Variants in ARVCF observed in about 807,000 individuals in gnomAD.
The protein encoded by ARVCF is ARVCF delta catenin family member, also known as splicing regulator ARVCF.
ARVCF carries 66 observed loss-of-function variants against 90.9 expected under a neutral mutation model. The ratio of observed to expected loss-of-function variants is 0.73; its 90% confidence interval spans 0.60 to 0.89. The LOEUF (loss-of-function observed/expected upper bound fraction) is 0.89. ARVCF is among the 40% of genes least tolerant of loss of function. The probability of loss-of-function intolerance (pLI) is 0.00; values close to 1 mark genes in which losing one functional copy is unlikely to be tolerated. For synonymous variants in ARVCF, 653 were observed against 603.4 expected (o/e 1.08, Z -1.21); for missense variants, 1,469 against 1,382.3 (o/e 1.06, Z -1.00).
chr22:19,979,226 C>CG, intron 6 of ARVCF, 146 bp from the exon 7 acceptor site: 1 of 872,532 alleles, frequency 1.1e-6, no homozygotes, highest in Admixed American at 2.8e-5. Flanking sequence ...TGAGTGGTTC[C>CG]GGGGGACACC....
chr22:20,006,565 C>A (rs375426955), intron 2 of ARVCF, among the ~76,000 whole-genome samples: 6 of 106,656 alleles, frequency 5.6e-5, no homozygotes, highest in Non-Finnish European at 1.3e-4. Context: ...GGCGGTAGAG[C>A]GTGACTCTGT....
rs1943989183 is a variant in ARVCF, at chr22:19,990,595, A to G, written c.200T>C (p.Leu67Pro). 6.2e-7 allele frequency: 1 copy of G among 1,607,240 alleles called. No homozygotes were observed. The highest frequency in any genetic ancestry group is 8.5e-7 in the Non-Finnish European group (1 of 1,176,430). Residue 67 changes from leucine to proline, a missense_variant, in exon 3 of 20, where the codon CTG becomes CCG. Leu to Pro is a moderately conservative substitution (Grantham distance 98). Coordinates refer to ENST00000263207, the MANE Select transcript of ARVCF (RefSeq NM_001670.3). ...GQPLPMAWQQLVLQEQSPGSQ... is the reference protein window; with the variant it reads ...GQPLPMAWQQPVLQEQSPGSQ... ...TCACTAGGCTGTTACCTGGAGGACC[A>G]GCTGTTGCCAGGCCATTGGCAGGGG...
rs1002639278 is a variant in ARVCF at position 19,972,588 on chromosome 22, G to T, written c.2641+149C>A. The T allele has an allele frequency of 9.7e-6, 11 of 1,128,334 alleles. No homozygotes were observed. The East Asian group carries it at 2.6e-4, about 26-fold the overall frequency. The allele number at this position is 1,128,334 out of a possible 1,614,324, so 69.9% of individuals were successfully genotyped here. A position where few individuals can be genotyped will look rare whatever the true frequency, so the allele number is the denominator to read the frequency against. On this transcript the variant is annotated intron_variant, in intron 16 of 19. Coordinates refer to ENST00000263207, the MANE Select transcript of ARVCF (RefSeq NM_001670.3). ...CAACAGCGCGGATGCTGTGGGAAGG[G>T]AGTAGCCAAGAGGCAGAGGGCAGGG...
chr22:19,977,309 A>G, intron 9 of ARVCF, 106 bp downstream of exon 9: 1 of 1,379,904 alleles, frequency 7.2e-7, no homozygotes, highest in Non-Finnish European at 9.6e-7. Context: ...GGGGCTGACC[A>G]GGTGTCCTCT....
chr22:19,990,520 C>T, intron 3 of ARVCF, 65 bp downstream of exon 3: 2 of 1,516,238 alleles, frequency 1.3e-6, no homozygotes, highest in Non-Finnish European at 1.8e-6. Flanking sequence ...TTGTGGTCCA[C>T]CAGGACCCAC....
rs1942890383 is a variant in ARVCF, at chr22:19,972,755, G to A, written c.2623C>T (p.Leu875=). Residue 875 remains leucine (L), a synonymous_variant, in exon 16 of 20, where the codon CTG becomes TTG. Coordinates refer to ENST00000263207, the MANE Select transcript of ARVCF (RefSeq NM_001670.3). ...PGGFDDSTLP[L]VDKSLEGEKT... is the part of the protein sequence containing the mutation. ...CACTCACCAAGGCTCTTGTCCACCA[G>A]TGGCAGCGTGCTGTCATCGAAGCCC... 4 of 1,612,200 alleles carry A rather than the reference G, an allele frequency of 2.5e-6. No homozygotes were observed. The highest frequency in any genetic ancestry group is 3.4e-6 in the Non-Finnish European group (4 of 1,179,132).
Position 19,976,743 on chromosome 22 carries a change from A to C in ARVCF, c.1871-20T>G. On this transcript the variant is annotated intron_variant, in intron 9 of 19. Coordinates refer to ENST00000263207, the MANE Select transcript of ARVCF (RefSeq NM_001670.3). ...ACTCCTCTGGGAGGCCGGAGGAAGC[A>C]GAGGAGAGAGGAGAGGAGCCTGAAC... 3.2e-6 allele frequency: 5 copies of C among 1,557,978 alleles called. No homozygotes were observed. The highest frequency in any genetic ancestry group is 4.3e-6 in the Non-Finnish European group (5 of 1,150,560).
Position 19,970,559 on chromosome 22 carries a change from G to C in ARVCF, c.*197C>G. 8.3e-7 allele frequency: 1 copy of C among 1,206,980 alleles called. No individual in the cohort carries two copies. Among genetic ancestry groups the C allele is most frequent in the Non-Finnish European group, 1.1e-6 (1 of 950,524 alleles). 74.8% of individuals were successfully genotyped at this position (1,206,980 alleles called of 1,614,324 possible). ...CAGTAAACAGCTAACTCAGGCCTAG[G>C]GAGTTAGGTAGGATGGGGGGAGTGG... is the stretch of plus-strand genomic sequence containing the variant. On this transcript the variant is annotated 3_prime_UTR_variant, in exon 20 of 20. Coordinates refer to ENST00000263207, the MANE Select transcript of ARVCF (RefSeq NM_001670.3).
intron 13 of ARVCF, 150 bp downstream of exon 13, chr22:19,973,493 G>C (rs1043441427): frequency 2.9e-6 from 4 of 1,366,752 alleles, no homozygotes; most frequent in Non-Finnish European, 3.9e-6. Flanking sequence ...GGGCCGGGGG[G>C]ACTGGAGCTA....
At chr22:19,986,653 G>T in intron 3 of ARVCF, 1 of 167,932 alleles carries the variant, frequency 6.0e-6, no homozygotes, top group East Asian at 1.6e-4. Flanking sequence ...AGGCCTACCC[G>T]GGCTTCCCTC....
chr22:19,973,612 GC>G, intron 13 of ARVCF, 30 bp downstream of exon 13: 1 of 1,585,350 alleles, frequency 6.3e-7, no homozygotes, highest in Non-Finnish European at 8.6e-7. Flanking sequence ...ACAGTTCGGT[GC>G]CCAGGCGTGG....
In ARVCF at chr22:19,972,221, CTCACCCTCTAA is replaced by C. The variant is rs1390615167; in HGVS notation, c.2695+126_2695+136del. On this transcript the variant is annotated intron_variant, in intron 17 of 19. Coordinates refer to ENST00000263207, the MANE Select transcript of ARVCF (RefSeq NM_001670.3). Reference sequence around the variant, plus strand: ...TAATCCCTCTCTAGCTGCCCTGTACCTCACCCTCTAAGCACCCCTAAACCAAATATCTCTCC... The same window carrying C: ...TAATCCCTCTCTAGCTGCCCTGTACCGCACCCCTAAACCAAATATCTCTCC... The C allele has an allele frequency of 2.5e-6, 3 of 1,221,032 alleles. No homozygotes were observed. In the East Asian group the frequency reaches 7.5e-5, roughly 30 times the overall value. The allele number at this position is 1,221,032 out of a possible 1,614,324, so 75.6% of individuals were successfully genotyped here.
intron 2 of ARVCF, among the ~76,000 whole-genome samples, chr22:19,991,395 C>T (rs1053024670): frequency 9.9e-5 from 15 of 152,254 alleles, no homozygotes; most frequent in African/African-American, 3.4e-4. Context: ...TGCAGACCAG[C>T]AGTCCAGCCT....
At chr22:19,994,942 G>A (rs1170257173) in intron 2 of ARVCF, among the ~76,000 whole-genome samples, 3 of 151,986 alleles carry the variant, frequency 2.0e-5, no homozygotes, top group Admixed American at 6.6e-5. Context: ...ATGGACAGAC[G>A]GATGGACAGA....
At chr22:20,000,991 C>T (rs781679904) in intron 2 of ARVCF, among the ~76,000 whole-genome samples, 2 of 152,164 alleles carry the variant, frequency 1.3e-5, no homozygotes, top group Non-Finnish European at 2.9e-5. Flanking sequence ...ACAAGCACAC[C>T]CAGGCACAGG....
Position 19,982,033 on chromosome 22 carries a change from A to C in ARVCF, c.269T>G (p.Leu90Arg), listed in dbSNP as rs747584899. The change falls in exon 4 of 20, where the codon CTG becomes CGG. Residue 90 changes from leucine to arginine, a missense_variant. Leu to Arg is a moderately radical substitution (Grantham distance 102, BLOSUM62 -2). Coordinates refer to ENST00000263207, the MANE Select transcript of ARVCF (RefSeq NM_001670.3). ...CTCCTCCACCGTCACGGTCTCCTCCAGCACATCAGGTGCCTCCGGCATCGT... is the reference window on the plus strand; with the variant it reads ...CTCCTCCACCGTCACGGTCTCCTCCCGCACATCAGGTGCCTCCGGCATCGT... ...LATMPEAPDV[L>R]EETVTVEEDP... 6.2e-7 allele frequency: 1 copy of C among 1,612,910 alleles called. No individual in the cohort carries two copies. The highest frequency in any genetic ancestry group is 2.2e-5 in the East Asian group (1 of 44,876).
intron 11 of ARVCF, among the ~76,000 whole-genome samples, chr22:19,975,100 T>C (rs965104648): frequency 6.6e-6 from 1 of 152,188 alleles, no homozygotes; most frequent in African/African-American, 2.4e-5. Context: ...CGCTGGGGTA[T>C]CTGCATCAGC....
At chr22:19,977,040 G>A (rs1196634788) in intron 9 of ARVCF, among the ~76,000 whole-genome samples, 9 of 149,622 alleles carry the variant, frequency 6.0e-5, no homozygotes, top group African/African-American at 2.2e-4. Flanking sequence ...CAGATGGGGG[G>A]CTGCCCCACA....
intron 2 of ARVCF, among the ~76,000 whole-genome samples, chr22:20,005,591 G>T (rs538084638): frequency 2.6e-5 from 4 of 152,234 alleles, no homozygotes; most frequent in South Asian, 2.1e-4. Context: ...AGGCCGAGGC[G>T]GGTGGATCAC....
Sources: gnomAD v4.1 joint callset for allele counts (sites outside exome capture counted in the v4.1 genomes callset) on GRCh38, gnomAD v4.1.1 for gene constraint, MANE v1.5 for transcripts, NCBI Gene and HGNC (gene_info 2026-07-23, HGNC 2026-07-21) for gene names.